KTN1: variants seen among roughly 807,000 people sequenced by gnomAD.
KTN1 encodes kinectin.
KTN1 carries 130 observed loss-of-function variants against 222.5 expected under a neutral mutation model. The ratio of observed to expected loss-of-function variants is 0.58; its 90% confidence interval spans 0.51 to 0.68. The LOEUF is 0.68. Ranked by LOEUF, KTN1 falls within the 30% of genes least tolerant of loss-of-function variation. The pLI is 0.00. For synonymous variants in KTN1, 512 were observed against 496.3 expected, an observed-to-expected ratio of 1.03 and a Z score of -0.42; for missense variants, 1,508 against 1,500.4, an observed-to-expected ratio of 1.01 and a Z score of -0.08.
intron 1 of KTN1, chr14:55,607,267 G>A (rs1365644310): frequency 6.6e-6 from 1 of 152,104 alleles, no homozygotes; most frequent in Non-Finnish European, 1.5e-5. Flanking sequence ...AAAACTATTT[G>A]ATTAGTATTT....
chr14:55,640,134 C>G, intron 14 of KTN1, 131 bp downstream of exon 14: 2 of 689,612 alleles, frequency 2.9e-6, no homozygotes, highest in South Asian at 1.9e-5. Flanking sequence ...AACTGTTTTT[C>G]TAAACTACAA....
At chr14:55,669,559 T>C (rs1399103336) in intron 34 of KTN1, among the ~76,000 whole-genome samples, 2 of 151,974 alleles carry the variant, frequency 1.3e-5, no homozygotes, top group Non-Finnish European at 2.9e-5. Context: ...CTGTTTCCTC[T>C]TGCTGTTTTG....
Position 55,631,461 on chromosome 14 carries a change from C to T in KTN1, c.1221+1364C>T, listed in dbSNP as rs1396134065. ...GCTTGAATCCTGTGACTTTTCTCTG[C>T]CTGGCTTAGGCTACAATTTGTTCTG... On this transcript the variant is annotated intron_variant, in intron 7 of 43. Coordinates refer to ENST00000395314, the MANE Select transcript of KTN1 (RefSeq NM_001079521.2). 2.0e-5 allele frequency among the ~76,000 whole-genome samples: 3 copies of T among 149,494 alleles called. No homozygotes were observed. The Admixed American group carries it at 2.0e-4, about 10-fold the overall frequency.
intron 1 of KTN1, among the ~76,000 whole-genome samples, chr14:55,593,832 C>CT (rs1371021736): frequency 1.3e-5 from 2 of 151,924 alleles, no homozygotes; most frequent in East Asian, 1.9e-4. Context: ...CCTCCCCTCT[C>CT]TTTTTTTACC....
chr14:55,644,061 A>ATT (rs2042054129), intron 18 of KTN1, among the ~76,000 whole-genome samples: 2 of 152,152 alleles, frequency 1.3e-5, no homozygotes, highest in Non-Finnish European at 1.5e-5. Flanking sequence ...TGACTCTGAA[A>ATT]GCTTTTTATT....
chr14:55,602,570 G>C (rs893677722), intron 1 of KTN1, among the ~76,000 whole-genome samples: 6 of 151,510 alleles, frequency 4.0e-5, no homozygotes, highest in African/African-American at 1.5e-4. Context: ...TGTTTTATAA[G>C]ACCTTCAACA....
rs528510484 is a variant in KTN1 at position 55,585,440 on chromosome 14, A to G, written c.-31+5086A>G. On this transcript the variant is annotated intron_variant, in intron 1 of 43. Coordinates refer to ENST00000395314, the MANE Select transcript of KTN1 (RefSeq NM_001079521.2). ...ACTTAAAATATTTGATTTTACTTTT[A>G]TTTGCCTTTTTATTTTTACTGATTT... Among the ~76,000 whole-genome samples, 186 of 152,246 alleles carry G rather than the reference A, an allele frequency of 1.2e-3. 2 individuals carry two copies. The highest frequency in any genetic ancestry group is 0.01 in the Middle Eastern group (3 of 294).
At chr14:55,675,940 G>C (rs1325953778) in intron 41 of KTN1, 22 bp downstream of exon 41, 1 of 1,533,218 alleles carries the variant, frequency 6.5e-7, no homozygotes, top group Admixed American at 1.7e-5. Context: ...TCGTCCTAGA[G>C]ATGTAGTATC....
chr14:55,621,465 G>A (rs2039120465), intron 5 of KTN1, among the ~76,000 whole-genome samples: 1 of 152,134 alleles, frequency 6.6e-6, no homozygotes, highest in African/African-American at 2.4e-5. Flanking sequence ...GGGTTTAATG[G>A]ACTCACAGTT....
rs1221239866 is a variant in KTN1, at chr14:55,648,817, A to G, written c.2314A>G (p.Asn772Asp). Residue 772 changes from asparagine (N) to aspartate (D), a missense_variant, in exon 21 of 44, where the codon AAT becomes GAT. Asn to Asp is a conservative substitution (Grantham distance 23). Coordinates refer to ENST00000395314, the MANE Select transcript of KTN1 (RefSeq NM_001079521.2). ...TTTGAAAAAGGCAATAAGAACAGAA[A>G]ATTCATCTCTGACAAAAGAAGTTCA... ...EEELNAIRTENSSLTKEVQDL... is the reference protein window; with the variant it reads ...EEELNAIRTEDSSLTKEVQDL... The G allele has an allele frequency of 3.1e-6, 5 of 1,604,868 alleles. No homozygotes were observed. In the African/African-American group the frequency reaches 6.7e-5, roughly 21 times the overall value.
chr14:55,635,496 G>A (rs1031946654), intron 9 of KTN1, among the ~76,000 whole-genome samples: 1 of 152,210 alleles, frequency 6.6e-6, no homozygotes, highest in Non-Finnish European at 1.5e-5. Context: ...GCTTGCACTC[G>A]ACCCATGATG....
chr14:55,595,925 T>C (rs1273036743), intron 1 of KTN1, among the ~76,000 whole-genome samples: 1 of 151,856 alleles, frequency 6.6e-6, no homozygotes, highest in African/African-American at 2.4e-5. Flanking sequence ...GAGGCCGAGG[T>C]GGGCGGATCA....
intron 34 of KTN1, chr14:55,668,896 A>G (rs545188436): frequency 1.3e-5 from 2 of 152,146 alleles, no homozygotes; most frequent in South Asian, 4.1e-4. Flanking sequence ...CTTTGTTTCC[A>G]TTGTAACTAT....
intron 41 of KTN1, among the ~76,000 whole-genome samples, chr14:55,677,576 C>T (rs1307846061): frequency 6.6e-6 from 1 of 151,552 alleles, no homozygotes; most frequent in East Asian, 1.9e-4. Context: ...TTTCTATAAG[C>T]ACATAATATG....
At chr14:55,599,636 C>T (rs1361614413) in intron 1 of KTN1, among the ~76,000 whole-genome samples, 1 of 151,996 alleles carries the variant, frequency 6.6e-6, no homozygotes, top group Non-Finnish European at 1.5e-5. Context: ...CCACCACGCT[C>T]GGCTAATTTT....
chr14:55,619,847 T>G (rs2038898782), intron 5 of KTN1, among the ~76,000 whole-genome samples: 1 of 152,076 alleles, frequency 6.6e-6, no homozygotes, highest in Non-Finnish European at 1.5e-5. Flanking sequence ...CTCCCAAATC[T>G]CATGTCCTCA....
chr14:55,663,360 T>G lies in KTN1; in HGVS notation c.3091-595T>G, dbSNP rs562512668. On this transcript the variant is annotated intron_variant, in intron 32 of 43. Coordinates refer to ENST00000395314, the MANE Select transcript of KTN1 (RefSeq NM_001079521.2). The stretch of plus-strand genomic sequence containing the variant: ...GAATCTATTTTATAGCCTTCCAGCC[T>G]TCCCCTTTGCTTTGATCAACTAGCT... 1.1e-4 allele frequency: 20 copies of G among 177,732 alleles called. No individual in the cohort carries two copies. In the South Asian group the frequency reaches 2.6e-3, roughly 23 times the overall value. The allele number at this position is 177,732 out of a possible 1,614,324, so 11.0% of individuals were successfully genotyped here. A position where few individuals can be genotyped will look rare whatever the true frequency, so the allele number is the denominator to read the frequency against.
intron 30 of KTN1, among the ~76,000 whole-genome samples, 191 bp downstream of exon 30, chr14:55,658,805 A>G (rs1458684453): frequency 1.3e-5 from 2 of 152,240 alleles, no homozygotes; most frequent in African/African-American, 4.8e-5. Context: ...TCTATAAAGT[A>G]TACACAAATA....
intron 31 of KTN1, among the ~76,000 whole-genome samples, chr14:55,660,842 C>G (rs1435531236): frequency 6.6e-6 from 1 of 152,102 alleles, no homozygotes; most frequent in East Asian, 1.9e-4. Flanking sequence ...GTTTGAGGAC[C>G]TACAAAAACA....
Sources: gnomAD v4.1 joint callset for allele counts (sites outside exome capture counted in the v4.1 genomes callset) on GRCh38, gnomAD v4.1.1 for gene constraint, MANE v1.5 for transcripts, NCBI Gene and HGNC (gene_info 2026-07-23, HGNC 2026-07-21) for gene names.